Variants in GALNT13 observed in about 807,000 individuals in gnomAD.
GALNT13 encodes UDP-GalNAc:polypeptide N-acetylgalactosaminyltransferase 13.
Under a neutral mutation model 64.2 loss-of-function variants are expected in GALNT13, and 28 were observed. The ratio of observed to expected loss-of-function variants is 0.44; its 90% CI spans 0.32 to 0.60. The LOEUF is 0.60. GALNT13 is among the 20% of genes least tolerant of loss of function. GALNT13 has a pLI of 0.05. For synonymous variants in GALNT13, 214 were observed against 224.6 expected (o/e 0.95, Z 0.42); for missense variants, 577 against 669.8 (o/e 0.86, Z 1.53).
At chr2:154,178,091 T>C (rs1157132924) in intron 4 of GALNT13, among the ~76,000 whole-genome samples, 2 of 152,152 alleles carry the variant, frequency 1.3e-5, no homozygotes, top group Non-Finnish European at 2.9e-5. Flanking sequence ...CTGTTACTAC[T>C]GTGCTTACCT....
At chr2:153,651,668 C>T in the GALNT13 span, among the ~76,000 whole-genome samples, 6 of 152,202 alleles carry the variant, frequency 3.9e-5, no homozygotes, top group South Asian at 1.0e-3. Flanking sequence ...GCTGGTGGAA[C>T]GTACAGTTTC....
At chr2:153,106,931 T>C in the GALNT13 span, among the ~76,000 whole-genome samples, 1 of 152,314 alleles carries the variant, frequency 6.6e-6, no homozygotes, top group African/African-American at 2.4e-5. Flanking sequence ...TCTGATTGAA[T>C]ACTTAGAGGA....
chr2:154,340,179 T>C (rs1453821394), intron 9 of GALNT13, among the ~76,000 whole-genome samples: 2 of 152,096 alleles, frequency 1.3e-5, no homozygotes, highest in Non-Finnish European at 2.9e-5. Context: ...TCTAACTTGG[T>C]CAAAATATGT....
In GALNT13 at chr2:154,272,239, A is replaced by G. The variant is rs927596675; in HGVS notation, c.975+13101A>G. On this transcript the variant is annotated intron_variant, in intron 8 of 12. Coordinates refer to ENST00000392825, the MANE Select transcript of GALNT13 (RefSeq NM_052917.4). The stretch of plus-strand genomic sequence containing the variant: ...AAGGTACACACAAGAAAAATAAACA[A>G]TTAACTTCTGAACCATGATAAAAAC... Among the ~76,000 whole-genome samples, 3 of 152,182 alleles carry G rather than the reference A, an allele frequency of 2.0e-5. No homozygotes were observed. In the South Asian group the frequency reaches 6.2e-4, roughly 32 times the overall value.
chr2:153,769,464 T>C, the GALNT13 span, among the ~76,000 whole-genome samples: 4 of 152,230 alleles, frequency 2.6e-5, no homozygotes, highest in East Asian at 7.7e-4. Context: ...ATTAGTCTGA[T>C]AGAATTTCCT....
intron 4 of GALNT13, among the ~76,000 whole-genome samples, chr2:154,192,444 T>A (rs1439276369): frequency 6.6e-6 from 1 of 152,178 alleles, no homozygotes; most frequent in African/African-American, 2.4e-5. Context: ...CCCACTCCTG[T>A]ATCACCTACA....
chr2:153,431,150 A>AAG, the GALNT13 span, among the ~76,000 whole-genome samples: 5 of 149,814 alleles, frequency 3.3e-5, no homozygotes, highest in African/African-American at 7.3e-5. Context: ...ACTCTGTCAA[A>AAG]AAAAAAAAAA....
chr2:153,441,945 CT>C, the GALNT13 span, among the ~76,000 whole-genome samples: 1 of 152,158 alleles, frequency 6.6e-6, no homozygotes, highest in Non-Finnish European at 1.5e-5. Context: ...TTATTTCTTT[CT>C]CTTTCCTGGT....
chr2:153,696,618 TACA>T, the GALNT13 span, among the ~76,000 whole-genome samples: 78,030 of 151,818 alleles, frequency 0.51, 24,234 homozygotes, highest in Non-Finnish European at 0.7. Flanking sequence ...ATAGAGTAAT[TACA>T]ACAATATGTT....
chr2:153,354,599 G>A, the GALNT13 span, among the ~76,000 whole-genome samples: 1 of 152,254 alleles, frequency 6.6e-6, no homozygotes, highest in South Asian at 2.1e-4. Context: ...TAACTGATAA[G>A]GAAGAAAATA....
chr2:154,433,728 A>C (rs1368363312), intron 11 of GALNT13, among the ~76,000 whole-genome samples: 1 of 137,338 alleles, frequency 7.3e-6, no homozygotes, highest in South Asian at 2.6e-4. Flanking sequence ...ATTGAATCCC[A>C]AGGTGATCTA....
Position 154,140,354 on chromosome 2 carries a change from C to G in GALNT13, c.160C>G (p.Gln54Glu). 1 of 1,612,288 alleles carries G rather than the reference C, an allele frequency of 6.2e-7. No individual in the cohort carries two copies. The highest frequency in any genetic ancestry group is 8.5e-7 in the Non-Finnish European group (1 of 1,178,864). ...TCTTACAGCTGTTATTTCAAGAAAC[C>G]AAGAAGGGCCAGGAGAAATGGGAAA... Reference protein sequence around the residue: ...PALRAVISRNQEGPGEMGKAV... With the variant: ...PALRAVISRNEEGPGEMGKAV... The change falls in exon 4 of 13, where the codon CAA (glutamine) becomes GAA (glutamate). Residue 54 changes from glutamine (Q) to glutamate (E), a missense_variant. By Grantham distance (29) the Gln-to-Glu change is conservative (BLOSUM62 2). This residue lies in a region of GALNT13 where 341 missense variants were observed against 379.3 expected (regional missense o/e 0.90). Transcript: ENST00000392825.
At chr2:154,301,275 T>G (rs1329306265) in intron 8 of GALNT13, 134 bp from the exon 9 acceptor site, 1 of 699,610 alleles carries the variant, frequency 1.4e-6, no homozygotes, top group East Asian at 2.5e-5. Context: ...AAAGTAAGTA[T>G]AGTGTACCAG....
chr2:153,252,847 G>A, the GALNT13 span, among the ~76,000 whole-genome samples: 1 of 152,196 alleles, frequency 6.6e-6, no homozygotes, highest in Admixed American at 6.5e-5. Flanking sequence ...TTTGGTACCA[G>A]CACCACGCTG....
chr2:153,700,382 A>G, the GALNT13 span, among the ~76,000 whole-genome samples: 2 of 152,226 alleles, frequency 1.3e-5, no homozygotes, highest in Non-Finnish European at 1.5e-5. Flanking sequence ...CACAGCCAAT[A>G]TCATACTGAT....
chr2:154,119,226 T>C (rs534975361), intron 3 of GALNT13, among the ~76,000 whole-genome samples: 1 of 152,322 alleles, frequency 6.6e-6, no homozygotes. Context: ...CGCAGTTTTC[T>C]TTTTTCTTCA....
chr2:154,265,076 G>A (rs991394668), intron 8 of GALNT13, among the ~76,000 whole-genome samples: 1 of 151,682 alleles, frequency 6.6e-6, no homozygotes, highest in African/African-American at 2.4e-5. Context: ...ATAGAGAGAT[G>A]ACACAAATTA....
intron 3 of GALNT13, among the ~76,000 whole-genome samples, chr2:154,019,821 A>G (rs1574343492): frequency 6.6e-6 from 1 of 151,752 alleles, no homozygotes; most frequent in East Asian, 1.9e-4. Flanking sequence ...ATCTAGCATT[A>G]GGTATATCTC....
chr2:153,974,395 G>A (rs1201365231), intron 3 of GALNT13, among the ~76,000 whole-genome samples: 4 of 152,038 alleles, frequency 2.6e-5, no homozygotes, highest in Non-Finnish European at 4.4e-5. Context: ...TTGCTATTGT[G>A]AGCCTCAGTT....
Sources: gnomAD v4.1 joint callset for allele counts (sites outside exome capture counted in the v4.1 genomes callset) on GRCh38, gnomAD v4.1.1 for gene constraint, gnomAD v4.1.1 regional missense constraint, MANE v1.5 for transcripts, NCBI Gene and HGNC (gene_info 2026-07-23, HGNC 2026-07-21) for gene names.